Variants in KLHL29 observed in about 807,000 individuals in gnomAD.
KLHL29 encodes the protein kelch like family member 29.
A neutral mutation model predicts 80.4 loss-of-function variants in KLHL29; 21 were observed. The observed-to-expected ratio is 0.26, with a 90% CI of 0.19 to 0.38. The LOEUF (loss-of-function observed/expected upper bound fraction) is 0.38, where lower values mean the gene tolerates loss of function less well. KLHL29 is among the 10% of genes least tolerant of loss of function. KLHL29 has a pLI of 1.00. For missense variants in KLHL29, 867 were observed against 1,223.9 expected (o/e 0.71, Z 4.35); for synonymous variants, 511 against 526.8 (o/e 0.97, Z 0.41).
intron 5 of KLHL29, among the ~76,000 whole-genome samples, chr2:23,670,964 CTCTCTCTCTCTCTCTCCCTCCCTCCCT>C (rs1670715485): frequency 4.2e-5 from 1 of 23,994 alleles, no homozygotes. Context: ...CTCTCTCTCT[CTCTCTCTCTCTCTCTCCCTCCCTCCCT>C]CCCTCCCTCC....
chr2:23,408,261 G>A (rs1489325230), intron 1 of KLHL29, among the ~76,000 whole-genome samples: 2 of 42,358 alleles, frequency 4.7e-5, no homozygotes, highest in Non-Finnish European at 8.1e-5. Flanking sequence ...AGCATTTCAC[G>A]CTAAAAAAAA....
chr2:23,688,608 C>G (rs567385383), intron 6 of KLHL29, among the ~76,000 whole-genome samples: 27 of 152,192 alleles, frequency 1.8e-4, no homozygotes, highest in African/African-American at 6.5e-4. Flanking sequence ...CCCCCACGCC[C>G]AGAAGTAGGT....
chr2:23,521,002 C>CAA (rs1666084340), intron 2 of KLHL29, among the ~76,000 whole-genome samples: 1 of 151,984 alleles, frequency 6.6e-6, no homozygotes, highest in Non-Finnish European at 1.5e-5. Flanking sequence ...ACCCCCCCCC[C>CAA]CGCTCCCCCT....
intron 1 of KLHL29, among the ~76,000 whole-genome samples, chr2:23,409,487 T>C (rs1005245159): frequency 1.3e-5 from 2 of 152,230 alleles, no homozygotes; most frequent in African/African-American, 4.8e-5. Flanking sequence ...TTTTACTCTT[T>C]GCTTTTTATG....
chr2:23,524,365 GAA>G, intron 2 of KLHL29: 1 of 185,370 alleles, frequency 5.4e-6, no homozygotes, highest in Non-Finnish European at 1.2e-5. Context: ...AGCAGGCCAG[GAA>G]ATACCTTTAG....
At chr2:23,611,078 A>G (rs1016079220) in intron 3 of KLHL29, among the ~76,000 whole-genome samples, 2 of 152,132 alleles carry the variant, frequency 1.3e-5, no homozygotes, top group Admixed American at 1.3e-4. Flanking sequence ...ATGATCAATG[A>G]GGAAATGCTG....
chr2:23,418,356 C>A (rs1662665217), intron 1 of KLHL29, among the ~76,000 whole-genome samples: 1 of 152,086 alleles, frequency 6.6e-6, no homozygotes, highest in African/African-American at 2.4e-5. Flanking sequence ...GGCTGGCAAT[C>A]CCTAGCTGGG....
chr2:23,543,077 C>T (rs1666880380), intron 2 of KLHL29, among the ~76,000 whole-genome samples: 1 of 152,198 alleles, frequency 6.6e-6, no homozygotes. Context: ...GCTCCAGGAG[C>T]CCGAGAAGAA....
intron 11 of KLHL29, among the ~76,000 whole-genome samples, chr2:23,698,713 G>A (rs1672159074): frequency 6.6e-6 from 1 of 152,084 alleles, no homozygotes; most frequent in Non-Finnish European, 1.5e-5. Context: ...CAGTCACTGT[G>A]GTTACTGGAT....
chr2:23,556,685 T>C (rs1051634631), intron 2 of KLHL29, among the ~76,000 whole-genome samples: 2 of 150,794 alleles, frequency 1.3e-5, no homozygotes, highest in Non-Finnish European at 3.0e-5. Context: ...TTCAGGGTTC[T>C]GCCCTCCTCC....
chr2:23,607,771 A>G (rs1365131281), intron 3 of KLHL29, among the ~76,000 whole-genome samples: 1 of 152,180 alleles, frequency 6.6e-6, no homozygotes, highest in Non-Finnish European at 1.5e-5. Context: ...AGAATCTAAT[A>G]CCCGATGATC....
At chr2:23,556,740 C>A (rs1572398959) in intron 2 of KLHL29, among the ~76,000 whole-genome samples, 1 of 152,294 alleles carries the variant, frequency 6.6e-6, no homozygotes, top group South Asian at 2.1e-4. Flanking sequence ...CTGCAAGATC[C>A]CAAAGGCCAG....
chr2:23,604,917 G>A (rs970573889), intron 3 of KLHL29, among the ~76,000 whole-genome samples: 13 of 152,122 alleles, frequency 8.5e-5, no homozygotes, highest in Non-Finnish European at 1.2e-4. Flanking sequence ...CCCCTCAGCC[G>A]TTTGCAGTAC....
At chr2:23,415,253 G>T (rs978275522) in intron 1 of KLHL29, among the ~76,000 whole-genome samples, 2 of 152,160 alleles carry the variant, frequency 1.3e-5, no homozygotes, top group African/African-American at 4.8e-5. Flanking sequence ...AATGCAAGAC[G>T]GGCTTAGCTT....
At chr2:23,397,388 C>T (rs548539058) in intron 1 of KLHL29, among the ~76,000 whole-genome samples, 39 of 152,200 alleles carry the variant, frequency 2.6e-4, no homozygotes, top group Non-Finnish European at 4.9e-4. Flanking sequence ...CACAATAATG[C>T]GTTTTTGTTA....
chr2:23,606,275 G>A (rs583168), intron 3 of KLHL29, among the ~76,000 whole-genome samples: 65,337 of 151,300 alleles, frequency 0.43, 14,485 homozygotes, highest in Admixed American at 0.54. Flanking sequence ...ATTCCAGAAC[G>A]TTCCCGGGCC....
At chr2:23,511,454 T>C (rs1332121190) in intron 2 of KLHL29, among the ~76,000 whole-genome samples, 1 of 152,036 alleles carries the variant, frequency 6.6e-6, no homozygotes, top group African/African-American at 2.4e-5. Flanking sequence ...AGAAGGAAGA[T>C]GGGTCCCCAT....
rs566936217 is a variant in KLHL29 at position 23,501,806 on chromosome 2, A to G, written c.-46+26139A>G. The stretch of plus-strand genomic sequence containing the variant: ...GGTTCAATCAGTTTTGCACTGACAA[A>G]TGCAGACATCTGTGTAACCCACATT... On this transcript the variant is annotated intron_variant, in intron 2 of 13. Coordinates refer to ENST00000486442, the MANE Select transcript of KLHL29 (RefSeq NM_052920.2). Among the ~76,000 whole-genome samples, 6 of 152,292 alleles carry G rather than the reference A, an allele frequency of 3.9e-5. No homozygotes were observed. In the South Asian group the frequency reaches 1.2e-3, roughly 32 times the overall value.
chr2:23,420,033 A>G (rs1662744603), intron 1 of KLHL29, among the ~76,000 whole-genome samples: 1 of 152,148 alleles, frequency 6.6e-6, no homozygotes, highest in Admixed American at 6.5e-5. Context: ...GCAGAATAAC[A>G]TGGTTTCCCC....
Sources: allele counts gnomAD v4.1 joint callset (sites outside exome capture counted in the v4.1 genomes callset), GRCh38; gene constraint gnomAD v4.1.1; transcripts MANE v1.5; gene names NCBI Gene and HGNC (gene_info 2026-07-23, HGNC 2026-07-21).